Variants in BTN2A1 observed in about 807,000 individuals in gnomAD.
BTN2A1 encodes the protein butyrophilin subfamily 2 member A1.
In BTN2A1, 41 loss-of-function variants were observed where a neutral mutation model predicts 34.5. That is an observed-to-expected ratio of 1.19 (90% CI 0.93 to 1.54). The LOEUF (loss-of-function observed/expected upper bound fraction) is 1.54, where lower values mean the gene tolerates loss of function less well. Among genes scored for constraint, BTN2A1 ranks in the 40% most tolerant of loss-of-function variants. The pLI, the probability that BTN2A1 is intolerant of heterozygous loss-of-function variation, is 0.00. For synonymous variants in BTN2A1, 267 were observed against 258.6 expected, an observed-to-expected ratio of 1.03 and a Z score of -0.31; for missense variants, 642 against 662.0, an observed-to-expected ratio of 0.97 and a Z score of 0.33.
rs1032091794 is a variant in BTN2A1 at position 26,463,009 on chromosome 6, G to A, written c.431-235G>A. 13 of 974,416 alleles carry A rather than the reference G, an allele frequency of 1.3e-5. No individual in the cohort carries two copies. The East Asian group carries it at 3.9e-4, about 29-fold the overall frequency. The allele number at this position is 974,416 out of a possible 1,614,324, so 60.4% of individuals were successfully genotyped here. The stretch of plus-strand genomic sequence containing the variant: ...GGACCGCAAAGAAAAGGGTGCAATG[G>A]GATCCTTTCCTCTTAGAGAGCTCAC... On this transcript the variant is annotated intron_variant, in intron 3 of 7. Transcript: ENST00000312541.
At chr6:26,462,723 A>G (rs749893025) in intron 3 of BTN2A1, 29 of 1,027,792 alleles carry the variant, frequency 2.8e-5, no homozygotes, top group Non-Finnish European at 3.6e-5. Flanking sequence ...AGAAGGGTCA[A>G]TGTCTTTGGA....
At chr6:26,458,854 C>T (rs1020566591) in intron 2 of BTN2A1, 136 bp downstream of exon 2, 8 of 1,155,778 alleles carry the variant, frequency 6.9e-6, no homozygotes, top group Non-Finnish European at 1.0e-5. Context: ...TGAATTTATA[C>T]CAGCACTGTC....
At chr6:26,467,869 G>A in intron 7 of BTN2A1, 79 bp from the exon 8 acceptor site, 1 of 1,565,348 alleles carries the variant, frequency 6.4e-7, no homozygotes, top group Non-Finnish European at 8.6e-7. Context: ...AGATATCTGA[G>A]ACCTCTCTGG....
In BTN2A1 at chr6:26,466,087, TG is replaced by T; in HGVS notation, c.982+1del. Reference protein sequence around the residue: ...LRWRRTFLHAVDVVLDPDTAH... With the variant: ...LRWRRTFLHAXDVVLDPDTAH... ...GATGGAGAAGAACATTCTTACATGC[TG>T]GTGAGTGCCTCTGATGTTCCCTCAG... On this transcript the variant is annotated frameshift_variant and splice_region_variant, in exon 7 of 8. Coordinates refer to ENST00000312541, the MANE Select transcript of BTN2A1 (RefSeq NM_007049.5). LOFTEE classifies it low-confidence loss of function (END_TRUNC). The T allele has an allele frequency of 6.2e-7, 1 of 1,613,710 alleles. No homozygotes were observed. Among genetic ancestry groups the T allele is most frequent in the South Asian group, 1.1e-5 (1 of 91,056 alleles).
chr6:26,465,915 TTC>T (rs767447419), intron 5 of BTN2A1, 36 bp from the exon 6 acceptor site: 8 of 1,613,912 alleles, frequency 5.0e-6, no homozygotes, highest in Non-Finnish European at 6.8e-6. Flanking sequence ...CTTTTAGTTC[TTC>T]TGTCAAAGAC....
intron 7 of BTN2A1, 33 bp from the exon 8 acceptor site, chr6:26,467,915 A>AC (rs1417920606): frequency 6.3e-7 from 1 of 1,594,058 alleles, no homozygotes; most frequent in East Asian, 2.2e-5. Context: ...GGTTCCTGAG[A>AC]CCCCAGGCCT....
chr6:26,468,381 C>A lies in BTN2A1; in HGVS notation c.1416C>A (p.Ile472=), dbSNP rs1342624323. ...SFYNMRDRSH[I]YTCPRSAFSV... ...ACAACATGAGGGACAGATCGCACAT[C>A]TACACATGTCCCCGTTCAGCCTTTT... The change falls in exon 8 of 8, where the codon ATC becomes ATA. Residue 472 remains isoleucine (I), a synonymous_variant. Transcript: ENST00000312541. The A allele has an allele frequency of 3.1e-6, 5 of 1,614,224 alleles. No homozygotes were observed. Among genetic ancestry groups the A allele is most frequent in the Admixed American group, 1.7e-5 (1 of 60,028 alleles).
In BTN2A1 at chr6:26,462,814, G is replaced by A. The variant is rs755089720; in HGVS notation, c.431-430G>A. The A allele has an allele frequency of 7.8e-6, 10 of 1,286,302 alleles. No individual in the cohort carries two copies. In the South Asian group the frequency reaches 1.2e-4, roughly 16 times the overall value. The allele number at this position is 1,286,302 out of a possible 1,614,324, so 79.7% of individuals were successfully genotyped here. On this transcript the variant is annotated intron_variant, in intron 3 of 7. Transcript: ENST00000312541. ...TATTCTAGAGCTTCTGGAAGCTGAG[G>A]TCTACTGAGAAGTCGTCCCAGAAGC...
At chr6:26,475,992 C>T (rs573442387) in intron 7 of BTN2A1, 1 of 792,396 alleles carries the variant, frequency 1.3e-6, no homozygotes, top group South Asian at 1.5e-5. Flanking sequence ...CTGACTGACT[C>T]ATTGCTGAAA....
At chr6:26,469,862 C>T (rs973503880), downstream of BTN2A1, among the ~76,000 whole-genome samples, 5 of 152,002 alleles carry the variant, frequency 3.3e-5, no homozygotes, top group African/African-American at 1.2e-4. Context: ...TTCTGGTTAA[C>T]TGAGACCTTG....
chr6:26,475,811 T>G (rs1763528088), intron 7 of BTN2A1, among the ~76,000 whole-genome samples: 1 of 151,780 alleles, frequency 6.6e-6, no homozygotes, highest in Non-Finnish European at 1.5e-5. Context: ...GGGGAAAAAT[T>G]TATGATGCAA....
intron 4 of BTN2A1, 67 bp from the exon 5 acceptor site, chr6:26,465,118 C>G: frequency 7.1e-7 from 1 of 1,400,292 alleles, no homozygotes. Flanking sequence ...CAAGTGTGCT[C>G]CTAGGGGCAC....
chr6:26,466,306 C>A (rs928435500), intron 7 of BTN2A1, among the ~76,000 whole-genome samples: 1 of 152,176 alleles, frequency 6.6e-6, no homozygotes, highest in African/African-American at 2.4e-5. Flanking sequence ...ATCCCAGGAT[C>A]CTTTATCTTT....
Position 26,476,062 on chromosome 6 carries a change from G to A in BTN2A1, c.983-60G>A, listed in dbSNP as rs1763532617. 37 of 1,351,300 alleles carry A rather than the reference G, an allele frequency of 2.7e-5. No individual in the cohort carries two copies. The South Asian group carries it at 4.5e-4, about 16-fold the overall frequency. The allele number at this position is 1,351,300 out of a possible 1,614,324, so 83.7% of individuals were successfully genotyped here. On this transcript the variant is annotated intron_variant, in intron 7 of 7. Transcript: ENST00000469185. ...TTTTAGTGTAGTGATTTCAAACTGT[G>A]CTCATTTATATGCAACCCATGAACG...
At position 26,469,494 on chromosome 6, in the gene BTN2A1, TTTACA is replaced by T. The variant is rs954926994; in HGVS notation, c.*952_*956del. ...TAATTTATTACCTTTACAACATTTA[TTTACA>T]TTACATACATACATTTACAACATTT... On this transcript the variant is annotated 3_prime_UTR_variant, in exon 8 of 8. Coordinates refer to ENST00000312541, the MANE Select transcript of BTN2A1 (RefSeq NM_007049.5). 2 of 244,196 alleles carry T rather than the reference TTTACA, an allele frequency of 8.2e-6. No individual in the cohort carries two copies. The highest frequency in any genetic ancestry group is 2.3e-5 in the African/African-American group (1 of 43,070). The allele number at this position is 244,196 out of a possible 1,614,324, so 15.1% of individuals were successfully genotyped here. A position where few individuals can be genotyped will look rare whatever the true frequency, so the allele number is the denominator to read the frequency against.
intron 7 of BTN2A1, among the ~76,000 whole-genome samples, chr6:26,475,773 A>T (rs1460694629): frequency 6.6e-6 from 1 of 152,166 alleles, no homozygotes; most frequent in Non-Finnish European, 1.5e-5. Flanking sequence ...AATAAATACA[A>T]GGAAAAAAGA....
At chr6:26,474,166 A>G (rs888447726), downstream of BTN2A1, among the ~76,000 whole-genome samples, 1 of 152,246 alleles carries the variant, frequency 6.6e-6, no homozygotes, top group Non-Finnish European at 1.5e-5. Context: ...TATGTAAACT[A>G]ACTGAAAGCT....
intron 7 of BTN2A1, 23 bp downstream of exon 7, chr6:26,466,111 C>T (rs1446045567): frequency 6.2e-7 from 1 of 1,613,080 alleles, no homozygotes; most frequent in Non-Finnish European, 8.5e-7. Context: ...GATGTTCCCT[C>T]AGATCTCAGC....
At chr6:26,474,000 G>A (rs1320181045), downstream of BTN2A1, among the ~76,000 whole-genome samples, 1 of 152,236 alleles carries the variant, frequency 6.6e-6, no homozygotes, top group Non-Finnish European at 1.5e-5. Flanking sequence ...CGAGTGTACA[G>A]CACATGCTTT....
Sources: allele counts gnomAD v4.1 joint callset (sites outside exome capture counted in the v4.1 genomes callset), GRCh38; gene constraint gnomAD v4.1.1; transcripts MANE v1.5; gene names NCBI Gene and HGNC (gene_info 2026-07-23, HGNC 2026-07-21).